Variants in NELL1 observed in about 807,000 individuals in gnomAD.
NELL1 encodes neural EGFL like 1.
In NELL1, 76 loss-of-function variants were observed where a neutral mutation model predicts 107.4. The observed-to-expected ratio is 0.71, with a 90% CI of 0.59 to 0.86. The LOEUF is 0.86. NELL1 is among the 40% of genes least tolerant of loss of function. The probability of loss-of-function intolerance (pLI) is 0.00; values close to 1 mark genes in which losing one functional copy is unlikely to be tolerated. For synonymous variants in NELL1, 353 were observed against 341.2 expected, an observed-to-expected ratio of 1.03 and a Z score of -0.38; for missense variants, 1,024 against 1,005.5, an observed-to-expected ratio of 1.02 and a Z score of -0.25.
At chr11:21,202,016 G>A (rs75546601) in intron 13 of NELL1, among the ~76,000 whole-genome samples, 8,999 of 152,220 alleles carry the variant, frequency 0.059, 269 homozygotes, top group East Asian at 0.14. Flanking sequence ...ATGTGCTGCC[G>A]GATTCGGTTT....
chr11:21,240,097 G>A (rs1294442683), intron 14 of NELL1, among the ~76,000 whole-genome samples: 1 of 151,982 alleles, frequency 6.6e-6, no homozygotes, highest in Non-Finnish European at 1.5e-5. Flanking sequence ...AAGAAATTCA[G>A]AGCAATCATT....
intron 13 of NELL1, among the ~76,000 whole-genome samples, chr11:21,116,876 A>G (rs1438268291): frequency 2.6e-5 from 4 of 152,030 alleles, no homozygotes; most frequent in Non-Finnish European, 5.9e-5. Flanking sequence ...CAATTTTTTT[A>G]AAAAGAGAAA....
At chr11:21,223,665 T>G (rs1354627321) in intron 13 of NELL1, among the ~76,000 whole-genome samples, 9 of 152,198 alleles carry the variant, frequency 5.9e-5, no homozygotes, top group African/African-American at 2.2e-4. Context: ...TTATTGTTTA[T>G]TTTTGTGGTT....
At chr11:21,572,852 C>G (rs985794105) in intron 18 of NELL1, among the ~76,000 whole-genome samples, 1 of 151,786 alleles carries the variant, frequency 6.6e-6, no homozygotes, top group African/African-American at 2.4e-5. Flanking sequence ...GAGAAAGTAA[C>G]AAGCAGAAAG....
intron 5 of NELL1, among the ~76,000 whole-genome samples, chr11:20,902,618 C>T (rs758373971): frequency 4.1e-4 from 62 of 151,716 alleles, no homozygotes; most frequent in Admixed American, 5.3e-4. Flanking sequence ...TTGGTATAAA[C>T]GTTGAAGAAA....
intron 12 of NELL1, among the ~76,000 whole-genome samples, chr11:20,989,406 TAAAAGGCC>T (rs1851923630): frequency 6.6e-6 from 1 of 152,198 alleles, no homozygotes; most frequent in African/African-American, 2.4e-5. Context: ...GATCATTACA[TAAAAGGCC>T]AGGGTATTGA....
At chr11:21,094,548 C>A (rs113385838) in intron 12 of NELL1, among the ~76,000 whole-genome samples, 5 of 152,236 alleles carry the variant, frequency 3.3e-5, no homozygotes, top group African/African-American at 1.2e-4. Context: ...CATGAGTGTC[C>A]TGCCCCTGCA....
intron 13 of NELL1, among the ~76,000 whole-genome samples, chr11:21,154,416 C>T (rs543011545): frequency 6.6e-6 from 1 of 152,212 alleles, no homozygotes; most frequent in African/African-American, 2.4e-5. Context: ...CAAAACTGAA[C>T]TGTGAAATCC....
chr11:20,869,206 G>T (rs916725529), intron 4 of NELL1, among the ~76,000 whole-genome samples: 1 of 152,128 alleles, frequency 6.6e-6, no homozygotes, highest in Non-Finnish European at 1.5e-5. Flanking sequence ...AGTATTAAGT[G>T]CCTAGTAATG....
chr11:20,809,786 C>A (rs1564918067), intron 3 of NELL1, among the ~76,000 whole-genome samples: 2 of 152,264 alleles, frequency 1.3e-5, no homozygotes, highest in South Asian at 2.1e-4. Context: ...GACATTTATA[C>A]TGATTCCATA....
intron 5 of NELL1, among the ~76,000 whole-genome samples, chr11:20,902,633 TG>T (rs1172524031): frequency 6.6e-6 from 1 of 152,074 alleles, no homozygotes; most frequent in Non-Finnish European, 1.5e-5. Context: ...AAGAAACTCT[TG>T]GTCATATACC....
At chr11:21,495,569 C>T (rs921755964) in intron 15 of NELL1, among the ~76,000 whole-genome samples, 13 of 152,044 alleles carry the variant, frequency 8.6e-5, no homozygotes, top group African/African-American at 3.1e-4. Context: ...TTTTAACTTT[C>T]TAAGAAACTA....
intron 15 of NELL1, among the ~76,000 whole-genome samples, chr11:21,404,242 G>A (rs2133801679): frequency 6.6e-6 from 1 of 151,914 alleles, no homozygotes; most frequent in South Asian, 2.1e-4. Context: ...TACCACATTT[G>A]CCTATACTTA....
At chr11:21,337,616 A>T (rs1850436573) in intron 14 of NELL1, among the ~76,000 whole-genome samples, 1 of 152,224 alleles carries the variant, frequency 6.6e-6, no homozygotes, top group Admixed American at 6.5e-5. Context: ...ACTGAGAAAT[A>T]TGTAAAAGAA....
At chr11:20,967,378 T>G (rs1243168448) in intron 12 of NELL1, among the ~76,000 whole-genome samples, 1 of 152,168 alleles carries the variant, frequency 6.6e-6, no homozygotes, top group Non-Finnish European at 1.5e-5. Context: ...TTGCATTTTA[T>G]AAAATGTGTG....
At chr11:21,558,157 C>T (rs1856766412) in intron 16 of NELL1, among the ~76,000 whole-genome samples, 2 of 151,794 alleles carry the variant, frequency 1.3e-5, no homozygotes, top group Non-Finnish European at 2.9e-5. Flanking sequence ...TGATTGATAC[C>T]TCACCTCATT....
intron 10 of NELL1, among the ~76,000 whole-genome samples, chr11:20,941,624 C>T (rs1850857404): frequency 6.6e-6 from 1 of 152,138 alleles, no homozygotes; most frequent in Non-Finnish European, 1.5e-5. Context: ...GAACATTTTG[C>T]CTAGTGCCTT....
At chr11:20,726,443 G>T (rs183568867) in intron 2 of NELL1, among the ~76,000 whole-genome samples, 1 of 147,132 alleles carries the variant, frequency 6.8e-6, no homozygotes, top group East Asian at 2.0e-4. Flanking sequence ...CACTAGCACC[G>T]GAAAAGATAA....
At chr11:20,808,262 T>C (rs1857425982) in intron 3 of NELL1, among the ~76,000 whole-genome samples, 1 of 152,042 alleles carries the variant, frequency 6.6e-6, no homozygotes, top group South Asian at 2.1e-4. Flanking sequence ...TTATTTCAAG[T>C]CAGCAGGTTC....
Sources: allele counts gnomAD v4.1 joint callset (sites outside exome capture counted in the v4.1 genomes callset), GRCh38; gene constraint gnomAD v4.1.1; transcripts MANE v1.5; gene names NCBI Gene and HGNC (gene_info 2026-07-23, HGNC 2026-07-21).